The following SUDS3 variants were observed in gnomAD, a reference collection of about 807,000 sequenced individuals.
The protein encoded by SUDS3 is SIN3A corepressor complex component SDS3, also known as sin3 histone deacetylase corepressor complex component SDS3.
SUDS3 carries 23 observed loss-of-function variants against 53.5 expected under a neutral mutation model. The ratio of observed to expected loss-of-function variants is 0.43; its 90% CI spans 0.31 to 0.61. The LOEUF (loss-of-function observed/expected upper bound fraction) is 0.61. SUDS3 is among the 20% of genes least tolerant of loss of function. The probability of loss-of-function intolerance (pLI) is 0.10; values close to 1 mark genes in which losing one functional copy is unlikely to be tolerated. For missense variants in SUDS3, 291 were observed against 405.9 expected (o/e 0.72, Z 2.43); for synonymous variants, 150 against 148.5 (o/e 1.01, Z -0.08).
intron 1 of SUDS3, among the ~76,000 whole-genome samples, chr12:118,378,635 C>T (rs2046024986): frequency 6.6e-6 from 1 of 152,062 alleles, no homozygotes; most frequent in South Asian, 2.1e-4. Flanking sequence ...GCACCTGCCA[C>T]CATGCCTGGC....
At chr12:118,395,681 T>C (rs959739549) in intron 6 of SUDS3, among the ~76,000 whole-genome samples, 4 of 151,938 alleles carry the variant, frequency 2.6e-5, no homozygotes, top group African/African-American at 9.7e-5. Context: ...TAACATTAAT[T>C]CTTGTGGATT....
At position 118,414,302 on chromosome 12, in the gene SUDS3, TTTTCATCTTGTTCCC is replaced by T. The variant is rs1188004983; in HGVS notation, c.889-28_889-14del. 1.3e-6 allele frequency: 2 copies of T among 1,517,250 alleles called. No individual in the cohort carries two copies. Among genetic ancestry groups the T allele is most frequent in the African/African-American group, 2.8e-5 (2 of 72,518 alleles). The allele number at this position is 1,517,250 out of a possible 1,614,324, so 94.0% of individuals were successfully genotyped here. A position where few individuals can be genotyped will look rare whatever the true frequency, so the allele number is the denominator to read the frequency against. ...GGAGATTTGCTCTTCTGTATTTAAC[TTTTCATCTTGTTCCC>T]TTTCCTCTCCCCTGCAGATCTGGGT... On this transcript the variant is annotated intron_variant, in intron 11 of 11. Coordinates refer to ENST00000543473, the MANE Select transcript of SUDS3 (RefSeq NM_022491.3).
chr12:118,408,139 T>C (rs2141390355), intron 10 of SUDS3, among the ~76,000 whole-genome samples: 1 of 152,290 alleles, frequency 6.6e-6, no homozygotes, highest in South Asian at 2.1e-4. Context: ...GACCTCGTGA[T>C]ATACCCGCCT....
chr12:118,382,662 C>T (rs537985597), intron 2 of SUDS3, among the ~76,000 whole-genome samples: 4 of 145,856 alleles, frequency 2.7e-5, no homozygotes, highest in African/African-American at 7.5e-5. Context: ...CCAATGTGCC[C>T]AGCCTTTTTT....
intron 6 of SUDS3, among the ~76,000 whole-genome samples, chr12:118,397,676 T>C (rs1013490656): frequency 6.6e-6 from 1 of 152,200 alleles, no homozygotes; most frequent in East Asian, 1.9e-4. Context: ...AAGCAGTCTT[T>C]TGGATAAAAT....
Position 118,414,630 on chromosome 12 carries a change from A to G in SUDS3, c.*197A>G. 1 of 471,246 alleles carries G rather than the reference A, an allele frequency of 2.1e-6. No homozygotes were observed. Among genetic ancestry groups the G allele is most frequent in the Non-Finnish European group, 3.7e-6 (1 of 268,056 alleles). The allele number at this position is 471,246 out of a possible 1,614,324, so 29.2% of individuals were successfully genotyped here. On this transcript the variant is annotated 3_prime_UTR_variant, in exon 12 of 12. Transcript: ENST00000543473. Reference sequence around the variant, plus strand: ...CAACTTTGTCAGTCTTTTCTGCCTCAACTTCTTCCAGACATCAGTCACCAT... The same window carrying G: ...CAACTTTGTCAGTCTTTTCTGCCTCGACTTCTTCCAGACATCAGTCACCAT...
intron 6 of SUDS3, among the ~76,000 whole-genome samples, chr12:118,395,137 GAA>G (rs1028296034): frequency 1.3e-5 from 2 of 151,676 alleles, no homozygotes; most frequent in Admixed American, 6.6e-5. Context: ...AGGGAGAATG[GAA>G]GAGGTGACCT....
chr12:118,408,868 C>A (rs929916724), intron 10 of SUDS3, among the ~76,000 whole-genome samples: 3 of 152,118 alleles, frequency 2.0e-5, no homozygotes, highest in Admixed American at 2.0e-4. Flanking sequence ...CCCTTTAGAA[C>A]AACTGTGAGT....
intron 11 of SUDS3, among the ~76,000 whole-genome samples, 151 bp downstream of exon 11, chr12:118,411,308 C>T (rs1240668015): frequency 6.6e-6 from 1 of 152,198 alleles, no homozygotes; most frequent in African/African-American, 2.4e-5. Context: ...AGAAATTGCA[C>T]ATTGTCAAAA....
At chr12:118,381,924 T>C (rs2046066851) in intron 2 of SUDS3, among the ~76,000 whole-genome samples, 1 of 152,238 alleles carries the variant, frequency 6.6e-6, no homozygotes, top group South Asian at 2.1e-4. Flanking sequence ...TTCATTTCCC[T>C]TTAGGTCCTT....
chr12:118,386,331 C>G, intron 4 of SUDS3, 146 bp downstream of exon 4: 1 of 701,544 alleles, frequency 1.4e-6, no homozygotes, highest in Non-Finnish European at 2.4e-6. Flanking sequence ...GACTTCCAAG[C>G]TGCAGTTATG....
At chr12:118,398,830 G>T (rs1475054613) in intron 6 of SUDS3, among the ~76,000 whole-genome samples, 1 of 152,086 alleles carries the variant, frequency 6.6e-6, no homozygotes, top group East Asian at 1.9e-4. Flanking sequence ...CTATTGCTAG[G>T]TGTTGGGGTG....
intron 10 of SUDS3, among the ~76,000 whole-genome samples, chr12:118,406,282 C>T (rs1483231652): frequency 2.6e-5 from 4 of 152,120 alleles, no homozygotes; most frequent in Non-Finnish European, 5.9e-5. Flanking sequence ...AGCATTTTCC[C>T]CTTCAGCCTT....
chr12:118,408,145 C>T (rs1321533433), intron 10 of SUDS3, among the ~76,000 whole-genome samples: 3 of 152,128 alleles, frequency 2.0e-5, no homozygotes, highest in African/African-American at 4.8e-5. Context: ...GTGATATACC[C>T]GCCTCGGCCT....
At chr12:118,409,003 T>C (rs2046333421) in intron 10 of SUDS3, among the ~76,000 whole-genome samples, 1 of 152,180 alleles carries the variant, frequency 6.6e-6, no homozygotes, top group Non-Finnish European at 1.5e-5. Flanking sequence ...TAGCCTTTTC[T>C]TATGCATTGT....
At chr12:118,391,315 G>T in intron 6 of SUDS3, 33 bp downstream of exon 6, 7 of 1,579,164 alleles carry the variant, frequency 4.4e-6, no homozygotes, top group East Asian at 2.2e-5. Context: ...GATCTTGGGG[G>T]CCCTGAGCGG....
At chr12:118,403,611 C>A in intron 10 of SUDS3, 94 bp downstream of exon 10, 2 of 969,306 alleles carry the variant, frequency 2.1e-6, no homozygotes, top group Non-Finnish European at 3.2e-6. Flanking sequence ...ATCACGGCTG[C>A]TGCTAAACTT....
intron 9 of SUDS3, 191 bp downstream of exon 9, chr12:118,402,195 CCT>C (rs1464921665): frequency 2.1e-5 from 12 of 580,954 alleles, no homozygotes; most frequent in African/African-American, 2.1e-4. Flanking sequence ...TTTCATAACC[CCT>C]GCTTTGTTGT....
intron 11 of SUDS3, among the ~76,000 whole-genome samples, chr12:118,413,699 G>T (rs1329216510): frequency 6.6e-6 from 1 of 152,190 alleles, no homozygotes; most frequent in Non-Finnish European, 1.5e-5. Context: ...TTCAATGGAA[G>T]AATGCATCTG....
Sources: allele counts gnomAD v4.1 joint callset (sites outside exome capture counted in the v4.1 genomes callset), GRCh38; gene constraint gnomAD v4.1.1; transcripts MANE v1.5; gene names NCBI Gene and HGNC (gene_info 2026-07-23, HGNC 2026-07-21).